STPG4: variants seen among roughly 807,000 people sequenced by gnomAD.
STPG4 encodes sperm-tail PG-rich repeat containing 4.
Under a neutral mutation model 31.5 loss-of-function variants are expected in STPG4, and 41 were observed. That is an observed-to-expected ratio of 1.30 (90% CI 1.01 to 1.69). The LOEUF (loss-of-function observed/expected upper bound fraction) is 1.69, where lower values mean the gene tolerates loss of function less well. Ranked by LOEUF, STPG4 falls within the 40% of genes most tolerant of loss-of-function variation. The pLI is 0.00. For synonymous variants in STPG4, 141 were observed against 103.0 expected (o/e 1.37, Z -2.24); for missense variants, 375 against 293.4 (o/e 1.28, Z -2.03).
intron 5 of STPG4, among the ~76,000 whole-genome samples, chr2:47,112,605 G>A (rs1327264560): frequency 6.6e-6 from 1 of 152,166 alleles, no homozygotes; most frequent in East Asian, 1.9e-4. Flanking sequence ...TATTTGAAGA[G>A]ACTAGGTGAA....
intron 2 of STPG4, 86 bp downstream of exon 2, chr2:47,152,871 T>C: frequency 1.1e-6 from 1 of 943,814 alleles, no homozygotes. Flanking sequence ...TCTTACAATT[T>C]AGTGTTAGTC....
At chr2:47,140,876 G>A (rs1488285568) in intron 3 of STPG4, among the ~76,000 whole-genome samples, 3 of 149,746 alleles carry the variant, frequency 2.0e-5, no homozygotes, top group African/African-American at 7.4e-5. Flanking sequence ...AGGCTGGCAG[G>A]TACCATATTT....
chr2:47,110,287 T>C (rs1686008956), intron 5 of STPG4, among the ~76,000 whole-genome samples: 1 of 152,224 alleles, frequency 6.6e-6, no homozygotes, highest in African/African-American at 2.4e-5. Context: ...ACTGCCTGTT[T>C]TCTGCTTTTA....
At chr2:47,123,546 G>A (rs58214634) in intron 5 of STPG4, among the ~76,000 whole-genome samples, 3,731 of 152,242 alleles carry the variant, frequency 0.025, 173 homozygotes, top group African/African-American at 0.084. Flanking sequence ...CAAGGAAGGG[G>A]ACAGCAAATT....
At chr2:47,150,916 A>G (rs879863006) in intron 3 of STPG4, among the ~76,000 whole-genome samples, 17 of 152,262 alleles carry the variant, frequency 1.1e-4, no homozygotes, top group Admixed American at 1.1e-3. Flanking sequence ...TCTTTAAAAG[A>G]AGAGGGTTCA....
chr2:47,127,547 G>A (rs913913394), intron 5 of STPG4, among the ~76,000 whole-genome samples: 3 of 152,094 alleles, frequency 2.0e-5, no homozygotes, highest in African/African-American at 7.2e-5. Flanking sequence ...GGGATTACAG[G>A]CATGAGCCAC....
intron 5 of STPG4, among the ~76,000 whole-genome samples, chr2:47,126,681 T>G (rs552485666): frequency 1.3e-5 from 2 of 152,312 alleles, no homozygotes; most frequent in Non-Finnish European, 2.9e-5. Context: ...TTTGAAGAAC[T>G]CCTTTTAGCG....
chr2:47,138,525 G>A (rs1200845379), intron 3 of STPG4, among the ~76,000 whole-genome samples: 1 of 151,700 alleles, frequency 6.6e-6, no homozygotes, highest in African/African-American at 2.4e-5. Context: ...CCAAGTAGCT[G>A]GAATTACAGG....
chr2:47,116,216 G>C (rs981997556), intron 5 of STPG4, among the ~76,000 whole-genome samples: 6 of 152,212 alleles, frequency 3.9e-5, no homozygotes, highest in African/African-American at 1.4e-4. Flanking sequence ...CAACGTGATA[G>C]TATTCAGAGG....
At chr2:47,099,352 G>A (rs188333126) in intron 5 of STPG4, among the ~76,000 whole-genome samples, 238 of 152,358 alleles carry the variant, frequency 1.6e-3, no homozygotes, top group African/African-American at 4.9e-3. Flanking sequence ...TCCCCAGGCT[G>A]CTGCCCCAGG....
At chr2:47,116,517 A>G (rs2103761826) in intron 5 of STPG4, among the ~76,000 whole-genome samples, 1 of 152,350 alleles carries the variant, frequency 6.6e-6, no homozygotes, top group Non-Finnish European at 1.5e-5. Flanking sequence ...AGACGGTTTT[A>G]CGGAATTGTC....
intron 5 of STPG4, among the ~76,000 whole-genome samples, chr2:47,124,239 C>A (rs1387696866): frequency 1.3e-5 from 2 of 152,122 alleles, no homozygotes; most frequent in Non-Finnish European, 2.9e-5. Context: ...GATCCGCCTG[C>A]CTCCCAAAGT....
chr2:47,151,227 C>A (rs1358784584), intron 3 of STPG4, 31 bp downstream of exon 3: 1 of 1,610,834 alleles, frequency 6.2e-7, no homozygotes, highest in Admixed American at 1.7e-5. Flanking sequence ...GTAGCTTTCC[C>A]ACACAAAGCA....
intron 5 of STPG4, among the ~76,000 whole-genome samples, chr2:47,121,450 T>A (rs540923177): frequency 6.6e-6 from 1 of 152,000 alleles, no homozygotes; most frequent in South Asian, 2.1e-4. Context: ...AGCTGATGAG[T>A]CGTTTTGAAT....
At chr2:47,119,898 G>GT (rs1376505030) in intron 5 of STPG4, among the ~76,000 whole-genome samples, 1 of 152,180 alleles carries the variant, frequency 6.6e-6, no homozygotes, top group Non-Finnish European at 1.5e-5. Context: ...AGGCAAAATT[G>GT]TAAATTATAT....
chr2:47,151,285 G>A lies in STPG4; in HGVS notation c.372C>T (p.Ser124=). The change falls in exon 3 of 7, where the codon AGC becomes AGT. Residue 124 remains serine (S), a synonymous_variant. Transcript: ENST00000445927. Reference sequence around the variant, plus strand: ...GATCTTTGTCAACTAGTGTGCTGGGGCTTGGCCGTGGTTTGTCTTTGAATG... The same window carrying A: ...GATCTTTGTCAACTAGTGTGCTGGGACTTGGCCGTGGTTTGTCTTTGAATG... The part of the protein sequence containing the change: ...TYSFKDKPRP[S]PSTLVDKDQS... 1 of 1,614,206 alleles carries A rather than the reference G, an allele frequency of 6.2e-7. No homozygotes were observed. The highest frequency in any genetic ancestry group is 8.5e-7 in the Non-Finnish European group (1 of 1,180,040).
chr2:47,116,518 C>T (rs770804611), intron 5 of STPG4, among the ~76,000 whole-genome samples: 8 of 152,104 alleles, frequency 5.3e-5, no homozygotes, highest in Non-Finnish European at 1.2e-4. Context: ...GACGGTTTTA[C>T]GGAATTGTCT....
At chr2:47,090,066 G>T (rs1043925819) in intron 6 of STPG4, among the ~76,000 whole-genome samples, 2 of 152,210 alleles carry the variant, frequency 1.3e-5, no homozygotes, top group East Asian at 3.8e-4. Context: ...CTCTGAACCT[G>T]AAGTTGGTTG....
chr2:47,126,449 G>C (rs546520438), intron 5 of STPG4, among the ~76,000 whole-genome samples: 1 of 151,956 alleles, frequency 6.6e-6, no homozygotes, highest in East Asian at 1.9e-4. Context: ...CCTTAGCCTC[G>C]CTGAGTAACT....
Sources: gnomAD v4.1 joint callset for allele counts (sites outside exome capture counted in the v4.1 genomes callset) on GRCh38, gnomAD v4.1.1 for gene constraint, MANE v1.5 for transcripts, NCBI Gene and HGNC (gene_info 2026-07-23, HGNC 2026-07-21) for gene names.